Variants in HDAC9 observed in about 807,000 individuals in gnomAD.
HDAC9 encodes the protein MEF-2 interacting transcription repressor (MITR) protein.
HDAC9 carries 41 observed loss-of-function variants against 139.4 expected under a neutral mutation model. That is an observed-to-expected ratio of 0.29 (90% CI 0.23 to 0.38). The LOEUF is 0.38. Among genes scored for constraint, HDAC9 ranks in the 10% least tolerant of loss-of-function variants. The pLI, the probability that HDAC9 is intolerant of heterozygous loss-of-function variation, is 1.00. For synonymous variants in HDAC9, 517 were observed against 476.2 expected (o/e 1.09, Z -1.12); for missense variants, 1,147 against 1,297.0 (o/e 0.88, Z 1.78).
In HDAC9 at chr7:18,542,341, C is replaced by T. The variant is rs142459503; in HGVS notation, c.23-42940C>T. Among the ~76,000 whole-genome samples the T allele has an allele frequency of 6.5e-3, 990 of 152,262 alleles. 10 individuals are homozygous for T. The highest frequency in any genetic ancestry group is 0.058 in the Middle Eastern group (17 of 294). On this transcript the variant is annotated intron_variant, in intron 2 of 25. Transcript: ENST00000686413. ...CTTCTCTATACCTCAATTTCCTCAT[C>T]TCTAATATAAATACCTTAATAAAAC...
At chr7:18,218,333 A>T (rs1792454596) in intron 2 of HDAC9, among the ~76,000 whole-genome samples, 1 of 152,036 alleles carries the variant, frequency 6.6e-6, no homozygotes, top group Admixed American at 6.6e-5. Context: ...AATCCCAGTT[A>T]CTCAGAAGGC....
chr7:18,476,676 T>A lies in HDAC9; in HGVS notation c.-41-19586T>A, dbSNP rs17347780. On this transcript the variant is annotated intron_variant, in intron 1 of 3. Coordinates refer to the HDAC9 transcript ENST00000413509. ...ATTATCATACAGTTAATTTTAAAAG[T>A]CCAATTAAATATCTTATTTCTTCCC... is the stretch of plus-strand genomic sequence containing the variant. 8.9e-3 allele frequency among the ~76,000 whole-genome samples: 1,349 copies of A among 152,266 alleles called. 14 individuals are homozygous for A. Among genetic ancestry groups the A allele is most frequent in the Non-Finnish European group, 0.013 (880 of 68,016 alleles).
At chr7:18,814,877 A>G (rs775803070) in intron 17 of HDAC9, among the ~76,000 whole-genome samples, 29 of 152,220 alleles carry the variant, frequency 1.9e-4, no homozygotes, top group Non-Finnish European at 4.0e-4. Flanking sequence ...TTTTGATAAT[A>G]GTTATACAAT....
intron 1 of HDAC9, among the ~76,000 whole-genome samples, chr7:18,479,276 G>C (rs1795358667): frequency 6.6e-6 from 1 of 152,032 alleles, no homozygotes; most frequent in South Asian, 2.1e-4. Context: ...ACTTGGAATT[G>C]ATTTTCTGAG....
chr7:18,805,196 G>A (rs900886128), intron 17 of HDAC9, among the ~76,000 whole-genome samples: 1 of 152,174 alleles, frequency 6.6e-6, no homozygotes, highest in Admixed American at 6.5e-5. Context: ...CAAGAGAAGG[G>A]GAAGGACAGT....
intron 12 of HDAC9, chr7:18,667,680 C>G: frequency 5.1e-6 from 5 of 985,162 alleles, no homozygotes; most frequent in Non-Finnish European, 6.0e-6. Flanking sequence ...CCAAGTGATT[C>G]ATGTACTGAG....
At chr7:18,172,122 G>T (rs914385925) in intron 2 of HDAC9, among the ~76,000 whole-genome samples, 4 of 152,100 alleles carry the variant, frequency 2.6e-5, no homozygotes, top group Non-Finnish European at 4.4e-5. Flanking sequence ...CAATTTCAGA[G>T]CCTGTTATTG....
At chr7:18,444,428 A>T (rs1422726037) in intron 1 of HDAC9, among the ~76,000 whole-genome samples, 2 of 149,522 alleles carry the variant, frequency 1.3e-5, no homozygotes, top group African/African-American at 4.9e-5. Flanking sequence ...CTCAGTTTGT[A>T]TTTTCTACAC....
intron 15 of HDAC9, among the ~76,000 whole-genome samples, chr7:18,763,951 G>T (rs1257769324): frequency 6.6e-6 from 1 of 152,042 alleles, no homozygotes; most frequent in Non-Finnish European, 1.5e-5. Flanking sequence ...AACAACCATT[G>T]TTCCACATTT....
chr7:18,458,879 TG>T (rs1466410064), intron 1 of HDAC9: 1 of 1,534,886 alleles, frequency 6.5e-7, no homozygotes, highest in South Asian at 1.2e-5. Flanking sequence ...TGCTATTCTG[TG>T]GCTGCTGTAG....
At chr7:18,754,515 A>G (rs1406181304) in intron 14 of HDAC9, among the ~76,000 whole-genome samples, 1 of 152,102 alleles carries the variant, frequency 6.6e-6, no homozygotes, top group African/African-American at 2.4e-5. Flanking sequence ...AACATTTTAT[A>G]ATGCTTTTGT....
intron 1 of HDAC9, among the ~76,000 whole-genome samples, chr7:18,342,803 T>C (rs1384792946): frequency 1.3e-5 from 2 of 151,922 alleles, no homozygotes; most frequent in Non-Finnish European, 2.9e-5. Flanking sequence ...TGTCCACTTA[T>C]ATTGAATTCA....
chr7:18,570,719 TAC>T (rs1824004916), intron 2 of HDAC9, among the ~76,000 whole-genome samples: 1 of 152,200 alleles, frequency 6.6e-6, no homozygotes, highest in Non-Finnish European at 1.5e-5. Context: ...CAAGCACGTC[TAC>T]TCCATAGGTT....
At chr7:18,290,443 AAG>A in exon 1 of HDAC9, 1 of 456,148 alleles carries the variant, frequency 2.2e-6, no homozygotes, top group Non-Finnish European at 4.4e-6. Context: ...GGATACAGAA[AAG>A]TTCAGAAGGA....
At chr7:18,155,093 CTT>C (rs397889583) in intron 1 of HDAC9, among the ~76,000 whole-genome samples, 3 of 141,652 alleles carry the variant, frequency 2.1e-5, no homozygotes. Context: ...TTCTTTCTTT[CTT>C]TTTTTTTTTT....
intron 12 of HDAC9, among the ~76,000 whole-genome samples, chr7:18,695,727 C>A (rs1357658879): frequency 2.6e-5 from 4 of 152,122 alleles, no homozygotes; most frequent in African/African-American, 9.7e-5. Flanking sequence ...CCTGAACTTT[C>A]TTTAACAACC....
At chr7:18,692,953 G>T (rs943050635) in intron 12 of HDAC9, among the ~76,000 whole-genome samples, 14 of 151,838 alleles carry the variant, frequency 9.2e-5, no homozygotes, top group Non-Finnish European at 2.1e-4. Flanking sequence ...TTTTTGTGTT[G>T]TTATGTATAC....
At chr7:18,105,977 C>A (rs1390199765) in intron 1 of HDAC9, among the ~76,000 whole-genome samples, 1 of 152,066 alleles carries the variant, frequency 6.6e-6, no homozygotes, top group African/African-American at 2.4e-5. Flanking sequence ...GCCAGACTTA[C>A]AAGGCCACAT....
Position 18,976,265 on chromosome 7 carries a change from G to A in HDAC9, c.3170+312G>A, listed in dbSNP as rs115688567. ...GATCGTTATGGAAAGAGCTGCTTGT[G>A]GGCTTAACTCCTTTTCCTAGTTATC... On this transcript the variant is annotated intron_variant, in intron 25 of 25. Coordinates refer to ENST00000686413, the MANE Select transcript of HDAC9 (RefSeq NM_178425.4). Among the ~76,000 whole-genome samples the A allele has an allele frequency of 4.3e-3, 661 of 152,256 alleles. 5 individuals carry two copies. The highest frequency in any genetic ancestry group is 0.015 in the African/African-American group (640 of 41,530).
Sources: gnomAD v4.1 joint callset for allele counts (sites outside exome capture counted in the v4.1 genomes callset) on GRCh38, gnomAD v4.1.1 for gene constraint, MANE v1.5 for transcripts, NCBI Gene and HGNC (gene_info 2026-07-23, HGNC 2026-07-21) for gene names.